Variants in BBS9 observed in about 807,000 individuals in gnomAD.
BBS9 encodes protein PTHB1.
A neutral mutation model predicts 117.7 loss-of-function variants in BBS9; 89 were observed. That is an observed-to-expected ratio of 0.76 (90% CI 0.64 to 0.90). The LOEUF (loss-of-function observed/expected upper bound fraction) is 0.90. BBS9 is among the 40% of genes least tolerant of loss of function. BBS9 has a pLI of 0.00. For synonymous variants in BBS9, 379 were observed against 370.9 expected (o/e 1.02, Z -0.25); for missense variants, 982 against 1,042.2 (o/e 0.94, Z 0.80).
At chr7:33,294,359 G>A (rs1245890996) in intron 9 of BBS9, among the ~76,000 whole-genome samples, 50 of 139,766 alleles carry the variant, frequency 3.6e-4, no homozygotes, top group Middle Eastern at 3.5e-3. Flanking sequence ...CTATCTCTTT[G>A]TCCATCCATC....
At chr7:33,147,719 T>C (rs1792646868) in intron 2 of BBS9, among the ~76,000 whole-genome samples, 1 of 152,216 alleles carries the variant, frequency 6.6e-6, no homozygotes, top group Non-Finnish European at 1.5e-5. Flanking sequence ...AAACTATACT[T>C]ACTGATTATC....
chr7:33,534,741 C>G (rs1563320341), intron 21 of BBS9, among the ~76,000 whole-genome samples: 1 of 152,108 alleles, frequency 6.6e-6, no homozygotes, highest in South Asian at 2.1e-4. Context: ...GTCGTGGGCA[C>G]CCAGGGCTGT....
chr7:33,267,470 T>A (rs1583982714), intron 7 of BBS9, among the ~76,000 whole-genome samples: 2 of 5,966 alleles, frequency 3.4e-4, no homozygotes, highest in Admixed American at 5.5e-3. Flanking sequence ...ATTTATCCAG[T>A]TTTTTTTTTA....
intron 9 of BBS9, among the ~76,000 whole-genome samples, chr7:33,303,287 C>G (rs186222681): frequency 1.8e-3 from 272 of 152,194 alleles, no homozygotes; most frequent in African/African-American, 6.3e-3. Flanking sequence ...CTAGATAGGA[C>G]TTTCAGTACT....
At chr7:33,514,361 T>C (rs1310186111) in intron 20 of BBS9, among the ~76,000 whole-genome samples, 1 of 152,186 alleles carries the variant, frequency 6.6e-6, no homozygotes, top group Non-Finnish European at 1.5e-5. Flanking sequence ...GGGAACATGA[T>C]ATTAAGAAAG....
chr7:33,583,734 G>A (rs1302440463), intron 21 of BBS9, among the ~76,000 whole-genome samples: 3 of 152,036 alleles, frequency 2.0e-5, no homozygotes, highest in East Asian at 3.9e-4. Flanking sequence ...CAAATGCTAC[G>A]AACATGGTTT....
intron 4 of BBS9, among the ~76,000 whole-genome samples, chr7:33,162,168 T>A (rs1194193232): frequency 2.0e-5 from 3 of 152,216 alleles, no homozygotes; most frequent in Admixed American, 2.0e-4. Context: ...CTTCTAGGGT[T>A]TTTATGGTTT....
At chr7:33,522,619 T>C (rs910111236) in intron 20 of BBS9, among the ~76,000 whole-genome samples, 48 of 152,058 alleles carry the variant, frequency 3.2e-4, no homozygotes, top group African/African-American at 1.1e-3. Flanking sequence ...GTAAACTTGT[T>C]TGAGTTCATT....
rs77245009 is a variant in BBS9, at chr7:33,533,687, G to T, written c.2299-267G>T. 2.5e-3 allele frequency: 1,253 copies of T among 507,424 alleles called. 8 individuals are homozygous for T. Among genetic ancestry groups the T allele is most frequent in the African/African-American group, 0.023 (1,180 of 51,970 alleles). 31.4% of individuals were successfully genotyped at this position (507,424 alleles called of 1,614,324 possible). A position where few individuals can be genotyped will look rare whatever the true frequency, so the allele number is the denominator to read the frequency against. On this transcript the variant is annotated intron_variant, in intron 20 of 22. Coordinates refer to ENST00000242067, the MANE Select transcript of BBS9 (RefSeq NM_198428.3). ...GGCTCAGAGCTAAACCCTTCTCATA[G>T]ATCTCCAACCCTTGGAGGGACAGAC...
At chr7:33,408,177 A>G (rs1343080966) in intron 19 of BBS9, among the ~76,000 whole-genome samples, 2 of 152,164 alleles carry the variant, frequency 1.3e-5, no homozygotes, top group Admixed American at 6.5e-5. Flanking sequence ...GCCACCTTGC[A>G]GTTTGATCTC....
At position 33,465,516 on chromosome 7, in the gene BBS9, T is replaced by G. The variant is rs187645397; in HGVS notation, c.2116-39947T>G. 2.8e-4 allele frequency among the ~76,000 whole-genome samples: 43 copies of G among 152,300 alleles called. No homozygotes were observed. In the East Asian group the frequency reaches 8.1e-3, roughly 29 times the overall value. ...TATTAAAAAGATAAAATGAACACTC[T>G]ATAAATATTAACGGATTTCAGTGCA... is the stretch of plus-strand genomic sequence containing the variant. On this transcript the variant is annotated intron_variant, in intron 19 of 22. Coordinates refer to ENST00000242067, the MANE Select transcript of BBS9 (RefSeq NM_198428.3).
intron 16 of BBS9, among the ~76,000 whole-genome samples, chr7:33,362,867 T>TGGAGAG (rs1820886501): frequency 6.6e-6 from 1 of 152,120 alleles, no homozygotes; most frequent in African/African-American, 2.4e-5. Flanking sequence ...ACCAATATCT[T>TGGAGAG]AACAATATTG....
At chr7:33,280,394 ATACTT>A (rs1267062800) in intron 9 of BBS9, among the ~76,000 whole-genome samples, 1 of 146,654 alleles carries the variant, frequency 6.8e-6, no homozygotes, top group East Asian at 2.0e-4. Context: ...GTGCTCAATA[ATACTT>A]TGTTCTTTAG....
intron 21 of BBS9, among the ~76,000 whole-genome samples, chr7:33,580,585 G>T (rs1859711971): frequency 6.6e-6 from 1 of 152,072 alleles, no homozygotes; most frequent in Non-Finnish European, 1.5e-5. Flanking sequence ...GCTCAAAAGA[G>T]ACCAGAGAAA....
chr7:33,187,039 A>G (rs1354208045), intron 5 of BBS9, among the ~76,000 whole-genome samples: 4 of 152,214 alleles, frequency 2.6e-5, no homozygotes, highest in African/African-American at 4.8e-5. Context: ...TATTTTTGCC[A>G]GATTTTCACT....
chr7:33,581,638 G>C (rs1294399539), intron 21 of BBS9, among the ~76,000 whole-genome samples: 1 of 152,120 alleles, frequency 6.6e-6, no homozygotes, highest in Admixed American at 6.5e-5. Flanking sequence ...CCTGCCAAGA[G>C]GGTTGGTTAT....
At chr7:33,527,329 G>C (rs1395258605) in intron 20 of BBS9, among the ~76,000 whole-genome samples, 2 of 152,130 alleles carry the variant, frequency 1.3e-5, no homozygotes, top group Non-Finnish European at 2.9e-5. Context: ...GGGCAATGGT[G>C]GGCGCCCCTC....
intron 21 of BBS9, among the ~76,000 whole-genome samples, chr7:33,618,397 T>C (rs532138725): frequency 1.4e-4 from 22 of 151,760 alleles, no homozygotes; most frequent in Non-Finnish European, 2.8e-4. Flanking sequence ...TATGAAAGTA[T>C]AAAACTCACT....
At chr7:33,129,293 G>A (rs1363502389), upstream of BBS9, 11 of 550,950 alleles carry the variant, frequency 2.0e-5, no homozygotes, top group Middle Eastern at 4.6e-4. Context: ...CCGGGGGGGC[G>A]TGGCCTGCCC....
Sources: allele counts gnomAD v4.1 joint callset (sites outside exome capture counted in the v4.1 genomes callset), GRCh38; gene constraint gnomAD v4.1.1; transcripts MANE v1.5; gene names NCBI Gene and HGNC (gene_info 2026-07-23, HGNC 2026-07-21).